The following PALMD variants were observed in gnomAD, a reference collection of about 807,000 sequenced individuals.
PALMD encodes palmdelphin, also known as paralemmin-like protein.
Under a neutral mutation model 56.2 loss-of-function variants are expected in PALMD, and 42 were observed. The observed-to-expected ratio is 0.75, with a 90% CI of 0.58 to 0.97. The LOEUF (loss-of-function observed/expected upper bound fraction) is 0.97. Among genes scored for constraint, PALMD ranks in the 50% least tolerant of loss-of-function variants. The pLI is 0.00. For missense variants in PALMD, 660 were observed against 643.8 expected (o/e 1.03, Z -0.27); for synonymous variants, 242 against 222.9 (o/e 1.09, Z -0.76).
At position 99,688,998 on chromosome 1, in the gene PALMD, C is replaced by A. The variant is rs35183456; in HGVS notation, c.738C>A (p.Ala246=). The A allele has an allele frequency of 0.038, 60,905 of 1,613,500 alleles. 1,392 individuals carry two copies. The highest frequency in any genetic ancestry group is 0.073 in the Middle Eastern group (442 of 6,056). ...PVEVEELLRQ[A]SERNSKSPTE... ...AAGTAGAGGAACTTCTAAGACAAGCCTCAGAGAGAAACTCTAAATCCCCAA... is the reference window on the plus strand; with the variant it reads ...AAGTAGAGGAACTTCTAAGACAAGCATCAGAGAGAAACTCTAAATCCCCAA... Residue 246 remains alanine (A), a synonymous_variant, in exon 7 of 8, where the codon GCC becomes GCA. Transcript: ENST00000263174.
intron 3 of PALMD, among the ~76,000 whole-genome samples, chr1:99,682,392 G>C (rs1033520788): frequency 2.0e-5 from 3 of 152,222 alleles, no homozygotes; most frequent in Middle Eastern, 3.4e-3. Context: ...TTTATGTTTA[G>C]TTTTCACAAA....
intron 1 of PALMD, among the ~76,000 whole-genome samples, chr1:99,651,807 A>T (rs538671730): frequency 1.3e-5 from 2 of 152,328 alleles, no homozygotes; most frequent in Admixed American, 1.3e-4. Flanking sequence ...CAGTCAAGCC[A>T]CTTAAGAGGT....
chr1:99,669,595 G>A (rs988175762), intron 3 of PALMD: 3 of 152,232 alleles, frequency 2.0e-5, no homozygotes, highest in Non-Finnish European at 2.9e-5. Context: ...TCCACACACT[G>A]AACACCTACA....
chr1:99,673,965 T>A (rs1013854891), intron 3 of PALMD, among the ~76,000 whole-genome samples: 1 of 152,182 alleles, frequency 6.6e-6, no homozygotes, highest in African/African-American at 2.4e-5. Flanking sequence ...ACTTGAACAT[T>A]AATGAACTGA....
chr1:99,667,324 G>A (rs1652987455), intron 2 of PALMD, among the ~76,000 whole-genome samples: 1 of 152,112 alleles, frequency 6.6e-6, no homozygotes, highest in African/African-American at 2.4e-5. Context: ...ACACAGTATG[G>A]CATGGTTCTG....
intron 3 of PALMD, among the ~76,000 whole-genome samples, chr1:99,670,294 C>A (rs181061592): frequency 2.0e-5 from 3 of 152,208 alleles, no homozygotes; most frequent in Admixed American, 2.0e-4. Context: ...TGAGTTTAGT[C>A]CTTAAATATA....
chr1:99,650,651 A>G (rs971933915), intron 1 of PALMD, among the ~76,000 whole-genome samples: 1 of 152,134 alleles, frequency 6.6e-6, no homozygotes, highest in African/African-American at 2.4e-5. Flanking sequence ...TGGGGCCCAA[A>G]ACACAAGGGA....
chr1:99,689,954 C>A, intron 7 of PALMD, 82 bp downstream of exon 7: 2 of 1,298,742 alleles, frequency 1.5e-6, no homozygotes, highest in Non-Finnish European at 2.1e-6. Context: ...TGCTTTCAGG[C>A]TTCTCTGACC....
rs1652898974 is a variant in PALMD at position 99,663,498 on chromosome 1, GT to G, written c.126+1105del. ...TGAAGTCAACAGTCAAATCTAGAAA[GT>G]TTTTTAGATAGGCCATTTCTCACTC... On this transcript the variant is annotated intron_variant, in intron 2 of 7. Coordinates refer to ENST00000263174, the MANE Select transcript of PALMD (RefSeq NM_017734.5). Among the ~76,000 whole-genome samples the G allele has an allele frequency of 5.3e-5, 8 of 151,938 alleles. No individual in the cohort carries two copies. The South Asian group carries it at 1.5e-3, about 28-fold the overall frequency.
At position 99,689,614 on chromosome 1, in the gene PALMD, G is replaced by T; in HGVS notation, c.1354G>T (p.Glu452Ter). The T allele has an allele frequency of 6.2e-7, 1 of 1,613,820 alleles. No homozygotes were observed. The highest frequency in any genetic ancestry group is 1.3e-5 in the African/African-American group (1 of 74,996). The change falls in exon 7 of 8, where the codon GAG (glutamate) becomes TAG (stop). Residue 452 changes from glutamate (E) to a stop codon, truncating the protein, a stop_gained. Coordinates refer to ENST00000263174, the MANE Select transcript of PALMD (RefSeq NM_017734.5). LOFTEE classifies it high-confidence loss of function. Reference protein sequence around the residue: ...AELVVIDDEEEEDEGEAEKPS... With the variant: ...AELVVIDDEE ...GCTGGTTGTGATTGATGATGAGGAG[G>T]AGGAGGATGAAGGAGAAGCAGAGAA...
At chr1:99,652,394 A>G (rs1014919384) in intron 1 of PALMD, among the ~76,000 whole-genome samples, 7 of 152,156 alleles carry the variant, frequency 4.6e-5, no homozygotes, top group African/African-American at 7.2e-5. Context: ...ACTTAAGGCC[A>G]GGAGTTCAAA....
In PALMD at chr1:99,689,167, C is replaced by T; in HGVS notation, c.907C>T (p.His303Tyr). The change falls in exon 7 of 8, where the codon CAC becomes TAC. Residue 303 changes from histidine to tyrosine, a missense_variant. Coordinates refer to ENST00000263174, the MANE Select transcript of PALMD (RefSeq NM_017734.5). ...GGGTATTGGTGTAAATGAATCCATA[C>T]ACAATATGGGCAATGGTCTTTCAGA... is the stretch of plus-strand genomic sequence containing the variant. Reference protein sequence around the residue: ...GLGIGVNESIHNMGNGLSEER... With the variant: ...GLGIGVNESIYNMGNGLSEER... 1 of 1,613,348 alleles carries T rather than the reference C, an allele frequency of 6.2e-7. No individual in the cohort carries two copies. Among genetic ancestry groups the T allele is most frequent in the South Asian group, 1.1e-5 (1 of 91,048 alleles).
At position 99,689,171 on chromosome 1, in the gene PALMD, A is replaced by G. The variant is rs1233858849; in HGVS notation, c.911A>G (p.Asn304Ser). The G allele has an allele frequency of 1.4e-5, 23 of 1,613,590 alleles. No individual in the cohort carries two copies. The highest frequency in any genetic ancestry group is 2.2e-5 in the East Asian group (1 of 44,858). ...LGIGVNESIH[N>S]MGNGLSEERG... ...ATTGGTGTAAATGAATCCATACACA[A>G]TATGGGCAATGGTCTTTCAGAGGAA... The change falls in exon 7 of 8, where the codon AAT (asparagine) becomes AGT (serine). Residue 304 changes from asparagine (N) to serine (S), a missense_variant. Transcript: ENST00000263174.
chr1:99,650,784 A>G (rs577894217), intron 1 of PALMD, among the ~76,000 whole-genome samples: 1 of 152,162 alleles, frequency 6.6e-6, no homozygotes, highest in Non-Finnish European at 1.5e-5. Flanking sequence ...CACAAACCCA[A>G]GAAGTCAGCC....
intron 1 of PALMD, among the ~76,000 whole-genome samples, chr1:99,656,873 A>G (rs1385387340): frequency 3.9e-5 from 6 of 152,222 alleles, no homozygotes; most frequent in Admixed American, 3.9e-4. Context: ...TAGGATCACT[A>G]GATCTCTCAC....
rs34022751 is a variant in PALMD, at chr1:99,648,660, G to GA, written c.45+2310dup. Among the ~76,000 whole-genome samples the GA allele has an allele frequency of 3.7e-3, 514 of 140,616 alleles. 2 individuals are homozygous for GA. The highest frequency in any genetic ancestry group is 5.8e-3 in the South Asian group (26 of 4,458). 92.2% of individuals were successfully genotyped at this position (140,616 alleles called of 152,430 possible). A position where few individuals can be genotyped will look rare whatever the true frequency, so the allele number is the denominator to read the frequency against. ...GCAACACATAGACCTCACTTTGGAGGAAAAAAAAAAAACTTTTACACTCTA... is the reference window on the plus strand; with the variant it reads ...GCAACACATAGACCTCACTTTGGAGGAAAAAAAAAAAAACTTTTACACTCTA... On this transcript the variant is annotated intron_variant, in intron 1 of 7. Coordinates refer to ENST00000263174, the MANE Select transcript of PALMD (RefSeq NM_017734.5).
intron 1 of PALMD, among the ~76,000 whole-genome samples, chr1:99,646,713 G>A (rs2100850083): frequency 6.6e-6 from 1 of 152,284 alleles, no homozygotes; most frequent in South Asian, 2.1e-4. Context: ...TAAAAAAACA[G>A]ATCCCCAACT....
chr1:99,682,081 G>T (rs573652110), intron 3 of PALMD, among the ~76,000 whole-genome samples: 1 of 152,220 alleles, frequency 6.6e-6, no homozygotes, highest in East Asian at 1.9e-4. Context: ...TGCTTTCTAA[G>T]TCTCTCATCA....
intron 7 of PALMD, among the ~76,000 whole-genome samples, chr1:99,690,885 C>A (rs904549085): frequency 3.9e-5 from 6 of 152,088 alleles, no homozygotes; most frequent in Admixed American, 1.3e-4. Flanking sequence ...GTGGTAGTAC[C>A]TGCACAATTA....
Sources: allele counts gnomAD v4.1 joint callset (sites outside exome capture counted in the v4.1 genomes callset), GRCh38; gene constraint gnomAD v4.1.1; transcripts MANE v1.5; gene names NCBI Gene and HGNC (gene_info 2026-07-23, HGNC 2026-07-21).